Variants in EP400 observed in about 807,000 individuals in gnomAD.
The protein encoded by EP400 is E1A binding protein p400.
A neutral mutation model predicts 354.1 loss-of-function variants in EP400; 105 were observed. The ratio of observed to expected loss-of-function variants is 0.30; its 90% CI spans 0.25 to 0.35. EP400 has a LOEUF of 0.35. Among genes scored for constraint, EP400 ranks in the 10% least tolerant of loss-of-function variants. EP400 has a pLI of 1.00. For missense variants in EP400, 3,280 were observed against 4,121.0 expected (o/e 0.80, Z 5.59); for synonymous variants, 1,646 against 1,716.9 (o/e 0.96, Z 1.02).
chr12:132,068,053 A>G (rs1295053817), intron 50 of EP400: 1 of 152,738 alleles, frequency 6.5e-6, no homozygotes, highest in East Asian at 1.9e-4. Context: ...GCCTCTCAGC[A>G]GCCAGTGCTG....
chr12:132,023,237 ATTC>A (rs1894180619), intron 23 of EP400, among the ~76,000 whole-genome samples: 1 of 147,308 alleles, frequency 6.8e-6, no homozygotes, highest in African/African-American at 2.5e-5. Context: ...GGTTCAAGCA[ATTC>A]TTCTGCCTCA....
chr12:131,980,516 C>T (rs988339105), intron 3 of EP400, among the ~76,000 whole-genome samples: 1 of 152,114 alleles, frequency 6.6e-6, no homozygotes, highest in African/African-American at 2.4e-5. Flanking sequence ...CATGTAGTCT[C>T]ATGGTTTTTT....
In EP400 at chr12:132,044,167, T is replaced by C. The variant is rs1895006005; in HGVS notation, c.6451-10T>C. 3.1e-6 allele frequency: 5 copies of C among 1,612,914 alleles called. No homozygotes were observed. Among genetic ancestry groups the C allele is most frequent in the Non-Finnish European group, 4.2e-6 (5 of 1,179,060 alleles). ...CTGATCCTGAAAGTTCTTGCTGCTC[T>C]CCCCGTCAGGACGCAGTGATGACTG... On this transcript the variant is annotated splice_polypyrimidine_tract_variant and intron_variant, in intron 34 of 52. Coordinates refer to ENST00000389561, the MANE Select transcript of EP400 (RefSeq NM_015409.5).
At chr12:132,043,777 G>C in intron 34 of EP400, 49 bp downstream of exon 34, 1 of 1,503,820 alleles carries the variant, frequency 6.6e-7, no homozygotes, top group Admixed American at 2.0e-5. Context: ...AATATTTTCA[G>C]AGTTAAGTTT....
intron 45 of EP400, 81 bp downstream of exon 45, chr12:132,055,289 C>A: frequency 1.7e-6 from 2 of 1,146,932 alleles, no homozygotes; most frequent in East Asian, 2.6e-5. Flanking sequence ...TCTTCTTCTT[C>A]TTTTTAAGTA....
chr12:132,003,379 C>T (rs796964367), intron 12 of EP400, among the ~76,000 whole-genome samples: 3 of 152,212 alleles, frequency 2.0e-5, no homozygotes, highest in African/African-American at 7.2e-5. Context: ...GTATAGGTTA[C>T]GTGCAAATAT....
At chr12:131,992,127 G>T in intron 10 of EP400, 46 bp from the exon 11 acceptor site, 2 of 1,589,016 alleles carry the variant, frequency 1.3e-6, no homozygotes, top group South Asian at 2.2e-5. Context: ...TTCCCATTCT[G>T]AGTGTTTGGA....
chr12:132,034,720 T>G (rs1464003676), intron 30 of EP400, among the ~76,000 whole-genome samples: 1 of 152,230 alleles, frequency 6.6e-6, no homozygotes, highest in Non-Finnish European at 1.5e-5. Context: ...CCGCACACCT[T>G]GTGCTCCACG....
intron 45 of EP400, among the ~76,000 whole-genome samples, chr12:132,058,284 T>G (rs1336703490): frequency 6.6e-6 from 1 of 151,788 alleles, no homozygotes; most frequent in African/African-American, 2.4e-5. Flanking sequence ...GAGTGGCTTC[T>G]GTGTGCTTGG....
intron 35 of EP400, 83 bp from the exon 36 acceptor site, chr12:132,044,588 A>G (rs1316891127): frequency 5.9e-6 from 9 of 1,521,878 alleles, no homozygotes; most frequent in Non-Finnish European, 8.2e-6. Context: ...GAAAGACTTA[A>G]TGAGTATGAA....
chr12:132,006,972 A>G, intron 15 of EP400, 95 bp downstream of exon 15: 1 of 1,385,712 alleles, frequency 7.2e-7, no homozygotes, highest in Non-Finnish European at 1.0e-6. Context: ...TGGCTATCTT[A>G]TCTACTTCTT....
chr12:132,035,236 C>G (rs2136563407), intron 30 of EP400, among the ~76,000 whole-genome samples: 1 of 152,194 alleles, frequency 6.6e-6, no homozygotes, highest in Non-Finnish European at 1.5e-5. Flanking sequence ...AGGGAACGAG[C>G]CTGTTCAGCC....
intron 50 of EP400, chr12:132,068,939 TG>T (rs1237415489): frequency 6.5e-6 from 1 of 152,804 alleles, no homozygotes; most frequent in Non-Finnish European, 1.5e-5. Context: ...GCTGAAGTGC[TG>T]GGCTGTGTGT....
intron 2 of EP400, among the ~76,000 whole-genome samples, chr12:131,978,330 C>T (rs1892552230): frequency 6.6e-6 from 1 of 152,108 alleles, no homozygotes; most frequent in African/African-American, 2.4e-5. Context: ...CCTTCAGTGC[C>T]ATGTCATTAG....
rs141432522 is a variant in EP400, at chr12:132,022,648, C to T, written c.4691-1129C>T. On this transcript the variant is annotated intron_variant, in intron 23 of 52. Coordinates refer to ENST00000389561, the MANE Select transcript of EP400 (RefSeq NM_015409.5). Reference sequence around the variant, plus strand: ...TTTTCAAAAAAAGTGTTTTAAGCAACGCTAAGTTTTACTTTTTTTTTTTTT... The same window carrying T: ...TTTTCAAAAAAAGTGTTTTAAGCAATGCTAAGTTTTACTTTTTTTTTTTTT... Among the ~76,000 whole-genome samples, 25 of 150,110 alleles carry T rather than the reference C, an allele frequency of 1.7e-4. No individual in the cohort carries two copies. In the South Asian group the frequency reaches 3.4e-3, roughly 20 times the overall value.
At chr12:132,019,856 G>A (rs1052674311) in intron 21 of EP400, among the ~76,000 whole-genome samples, 193 bp from the exon 22 acceptor site, 5 of 152,128 alleles carry the variant, frequency 3.3e-5, no homozygotes, top group East Asian at 1.9e-4. Context: ...TAGCCACTGC[G>A]CCCGGGCCCG....
intron 30 of EP400, among the ~76,000 whole-genome samples, chr12:132,033,440 A>T (rs1465469431): frequency 6.6e-6 from 1 of 152,122 alleles, no homozygotes; most frequent in Non-Finnish European, 1.5e-5. Context: ...GTGACCCGTC[A>T]GTTCCCAGTA....
At chr12:131,957,467 T>A (rs1891739039) in intron 1 of EP400, among the ~76,000 whole-genome samples, 1 of 151,570 alleles carries the variant, frequency 6.6e-6, no homozygotes, top group South Asian at 2.1e-4. Context: ...TTTTAATGTT[T>A]TGGTTTTTTT....
At chr12:131,973,083 T>C (rs1226034324) in intron 2 of EP400, among the ~76,000 whole-genome samples, 4 of 152,252 alleles carry the variant, frequency 2.6e-5, no homozygotes, top group Admixed American at 2.6e-4. Flanking sequence ...AATGAATTTA[T>C]ACTTTTTTGT....
Sources: allele counts gnomAD v4.1 joint callset (sites outside exome capture counted in the v4.1 genomes callset), GRCh38; gene constraint gnomAD v4.1.1; transcripts MANE v1.5; gene names NCBI Gene and HGNC (gene_info 2026-07-23, HGNC 2026-07-21).